The following CCBE1 variants were observed in gnomAD, a reference collection of about 807,000 sequenced individuals.
The protein encoded by CCBE1 is collagen and calcium binding EGF domains 1, also known as collagen and calcium-binding EGF domain-containing protein 1.
In CCBE1, 37 loss-of-function variants were observed where a neutral mutation model predicts 50.0. The ratio of observed to expected loss-of-function variants is 0.74; its 90% CI spans 0.57 to 0.97. The LOEUF is 0.97. Among genes scored for constraint, CCBE1 ranks in the 50% least tolerant of loss-of-function variants. The pLI is 0.00. For missense variants in CCBE1, 538 were observed against 523.8 expected (o/e 1.03, Z -0.26); for synonymous variants, 234 against 203.7 (o/e 1.15, Z -1.27).
At chr18:59,568,136 G>A (rs760758431) in intron 2 of CCBE1, 4 of 151,248 alleles carry the variant, frequency 2.6e-5, no homozygotes, top group Non-Finnish European at 5.9e-5. Context: ...TCCAAGTCCT[G>A]ATATCTCAAA....
intron 2 of CCBE1, among the ~76,000 whole-genome samples, chr18:59,482,144 G>A (rs1261586783): frequency 1.3e-5 from 2 of 152,162 alleles, no homozygotes; most frequent in African/African-American, 4.8e-5. Context: ...GAGAACACGC[G>A]GTTTTCTGTT....
At chr18:59,498,815 G>A (rs1457457033) in intron 2 of CCBE1, among the ~76,000 whole-genome samples, 1 of 152,170 alleles carries the variant, frequency 6.6e-6, no homozygotes, top group Non-Finnish European at 1.5e-5. Context: ...ATAAACAGAT[G>A]CATTTCTATT....
chr18:59,485,871 G>T lies in CCBE1; in HGVS notation c.213-5633C>A, dbSNP rs534526102. On this transcript the variant is annotated intron_variant, in intron 2 of 10. Transcript: ENST00000439986. ...CCGCCTCGGCCTCCCAAAGTGCTAG[G>T]ATTACAGGCATGAGCCACCGTGCCC... is the stretch of plus-strand genomic sequence containing the variant. Among the ~76,000 whole-genome samples the T allele has an allele frequency of 5.3e-4, 80 of 151,576 alleles. 2 individuals carry two copies. The South Asian group carries it at 0.017, about 31-fold the overall frequency.
intron 2 of CCBE1, among the ~76,000 whole-genome samples, chr18:59,575,903 C>A (rs2052988026): frequency 6.6e-6 from 1 of 152,190 alleles, no homozygotes; most frequent in African/African-American, 2.4e-5. Flanking sequence ...ACTACCATCA[C>A]AATGTAGATA....
intron 2 of CCBE1, among the ~76,000 whole-genome samples, chr18:59,541,579 T>C (rs1402115728): frequency 6.6e-6 from 1 of 152,156 alleles, no homozygotes; most frequent in East Asian, 1.9e-4. Flanking sequence ...CTGAATGCTG[T>C]TATTCAGATC....
chr18:59,541,615 G>A (rs556431173), intron 2 of CCBE1, among the ~76,000 whole-genome samples: 2 of 152,268 alleles, frequency 1.3e-5, no homozygotes, highest in Admixed American at 6.5e-5. Flanking sequence ...GTCAGTCCTA[G>A]GTGTCCATAT....
At chr18:59,483,545 A>C (rs609922) in intron 2 of CCBE1, among the ~76,000 whole-genome samples, 131,113 of 152,188 alleles carry the variant, frequency 0.86, 56,571 homozygotes, top group East Asian at 0.96. Flanking sequence ...AGGTAAATTA[A>C]CATTCCTAGG....
chr18:59,551,030 G>GA (rs1413332248), intron 2 of CCBE1, among the ~76,000 whole-genome samples: 1 of 83,802 alleles, frequency 1.2e-5, no homozygotes, highest in African/African-American at 4.3e-5. Context: ...AAAAAAAAAA[G>GA]AAAAGAAAAG....
At chr18:59,630,048 T>C (rs1300916797) in intron 2 of CCBE1, among the ~76,000 whole-genome samples, 1 of 152,208 alleles carries the variant, frequency 6.6e-6, no homozygotes, top group Non-Finnish European at 1.5e-5. Flanking sequence ...GAACACACTC[T>C]ACTGGCTCGC....
chr18:59,469,287 G>A (rs772115956), intron 4 of CCBE1, among the ~76,000 whole-genome samples, 186 bp downstream of exon 4: 4 of 152,108 alleles, frequency 2.6e-5, no homozygotes, highest in South Asian at 2.1e-4. Flanking sequence ...ACCAAATCCC[G>A]GAAGAATTCC....
chr18:59,528,535 G>C (rs1421959848), intron 2 of CCBE1, among the ~76,000 whole-genome samples: 1 of 152,156 alleles, frequency 6.6e-6, no homozygotes, highest in Non-Finnish European at 1.5e-5. Flanking sequence ...TCATTTAAAG[G>C]AGAAGAGGCA....
chr18:59,697,436 AG>A (rs2054827350), upstream of CCBE1: 28 of 1,482,398 alleles, frequency 1.9e-5, no homozygotes, highest in Non-Finnish European at 2.3e-5. Context: ...TCTTCCCGGC[AG>A]GGGGCGCCGG....
chr18:59,697,664 G>A, upstream of CCBE1: 1 of 321,468 alleles, frequency 3.1e-6, no homozygotes, highest in Non-Finnish European at 5.8e-6. Context: ...GCTGGACTCG[G>A]CTTGGGGCTG....
intron 2 of CCBE1, among the ~76,000 whole-genome samples, chr18:59,482,142 G>T (rs148330392): frequency 6.6e-6 from 1 of 152,138 alleles, no homozygotes; most frequent in Non-Finnish European, 1.5e-5. Context: ...GTGAGAACAC[G>T]CGGTTTTCTG....
intron 2 of CCBE1, among the ~76,000 whole-genome samples, chr18:59,625,668 G>C (rs2053773937): frequency 6.6e-6 from 1 of 151,788 alleles, no homozygotes; most frequent in Non-Finnish European, 1.5e-5. Flanking sequence ...ACAGAGATGA[G>C]AATCTCCCAG....
chr18:59,649,071 C>T (rs2054093405), intron 2 of CCBE1, among the ~76,000 whole-genome samples: 1 of 152,194 alleles, frequency 6.6e-6, no homozygotes, highest in Admixed American at 6.5e-5. Context: ...AGTGGTCCAT[C>T]AAGACTATTT....
chr18:59,549,125 A>C (rs1233856654), intron 2 of CCBE1, among the ~76,000 whole-genome samples: 1 of 133,412 alleles, frequency 7.5e-6, no homozygotes, highest in African/African-American at 2.7e-5. Context: ...AAAAAAATTC[A>C]CTTTGCATGG....
intron 2 of CCBE1, among the ~76,000 whole-genome samples, chr18:59,561,709 G>A (rs1211222257): frequency 3.3e-5 from 5 of 152,152 alleles, no homozygotes; most frequent in Non-Finnish European, 4.4e-5. Flanking sequence ...AGGTACATCT[G>A]CAAGACTGAC....
At chr18:59,614,861 A>C (rs1053967612) in intron 2 of CCBE1, among the ~76,000 whole-genome samples, 1 of 152,224 alleles carries the variant, frequency 6.6e-6, no homozygotes, top group African/African-American at 2.4e-5. Flanking sequence ...ACAAATGTTA[A>C]TATATGAGAA....
Sources: gnomAD v4.1 joint callset for allele counts (sites outside exome capture counted in the v4.1 genomes callset) on GRCh38, gnomAD v4.1.1 for gene constraint, MANE v1.5 for transcripts, NCBI Gene and HGNC (gene_info 2026-07-23, HGNC 2026-07-21) for gene names.